Variants in LDB2 observed in about 807,000 individuals in gnomAD.
LDB2 encodes LIM domain binding 2.
LDB2 carries 12 observed loss-of-function variants against 44.3 expected under a neutral mutation model. The observed-to-expected ratio is 0.27, with a 90% CI of 0.17 to 0.44. The LOEUF is 0.44. Among genes scored for constraint, LDB2 ranks in the 20% least tolerant of loss-of-function variants. LDB2 has a pLI of 1.00. For missense variants in LDB2, 344 were observed against 473.5 expected, an observed-to-expected ratio of 0.73 and a Z score of 2.54; for synonymous variants, 164 against 174.8, an observed-to-expected ratio of 0.94 and a Z score of 0.49.
At chr4:16,692,704 A>G (rs934105265) in intron 2 of LDB2, among the ~76,000 whole-genome samples, 3 of 152,174 alleles carry the variant, frequency 2.0e-5, no homozygotes, top group East Asian at 3.9e-4. Context: ...AGAGCCAGGA[A>G]GAAAAATGCA....
intron 7 of LDB2, chr4:16,503,279 G>A (rs1718022484): frequency 6.6e-6 from 5 of 753,208 alleles, no homozygotes; most frequent in Admixed American, 5.0e-5. Context: ...TTTAGGGCCT[G>A]TGAGTGGCTT....
intron 1 of LDB2, among the ~76,000 whole-genome samples, chr4:16,809,733 C>G (rs1298633648): frequency 6.8e-6 from 1 of 147,252 alleles, no homozygotes; most frequent in Non-Finnish European, 1.5e-5. Context: ...CAAAACAAAA[C>G]AAACAAACAA....
intron 1 of LDB2, among the ~76,000 whole-genome samples, chr4:16,828,708 G>A (rs984948422): frequency 5.1e-5 from 7 of 137,546 alleles, no homozygotes; most frequent in Admixed American, 7.3e-5. Flanking sequence ...AAGACCACGT[G>A]CACTTAAAAA....
chr4:16,730,931 T>C (rs961612836), intron 2 of LDB2, among the ~76,000 whole-genome samples: 72 of 152,322 alleles, frequency 4.7e-4, no homozygotes, highest in African/African-American at 1.7e-3. Context: ...TCAAGAATAT[T>C]GCTACTTAGA....
At chr4:16,696,382 A>C (rs1752130132) in intron 2 of LDB2, among the ~76,000 whole-genome samples, 3 of 152,236 alleles carry the variant, frequency 2.0e-5, no homozygotes, top group Admixed American at 6.5e-5. Flanking sequence ...AATGACGATT[A>C]TATTAGCCAA....
chr4:16,765,132 G>A (rs1311251591), intron 1 of LDB2, among the ~76,000 whole-genome samples: 1 of 152,160 alleles, frequency 6.6e-6, no homozygotes, highest in Non-Finnish European at 1.5e-5. Flanking sequence ...AGGTGTATTG[G>A]GTGGCACGCA....
chr4:16,633,805 G>C (rs1048194940), intron 2 of LDB2, among the ~76,000 whole-genome samples: 6 of 152,160 alleles, frequency 3.9e-5, no homozygotes, highest in African/African-American at 4.8e-5. Flanking sequence ...ACATAGCCAA[G>C]ACAATCCTGG....
chr4:16,657,948 G>A (rs1051742702), intron 2 of LDB2, among the ~76,000 whole-genome samples: 1 of 152,188 alleles, frequency 6.6e-6, no homozygotes, highest in African/African-American at 2.4e-5. Flanking sequence ...GTTTCTGTGT[G>A]TGTTCTGTTC....
intron 1 of LDB2, among the ~76,000 whole-genome samples, chr4:16,805,919 C>G (rs899935396): frequency 6.6e-6 from 1 of 152,168 alleles, no homozygotes; most frequent in Non-Finnish European, 1.5e-5. Context: ...TCTTCTCTGA[C>G]TGAAAACCAT....
intron 2 of LDB2, among the ~76,000 whole-genome samples, chr4:16,622,534 T>A (rs1356675341): frequency 6.6e-6 from 1 of 152,206 alleles, no homozygotes; most frequent in Non-Finnish European, 1.5e-5. Context: ...CAACAGCTAT[T>A]GGCTGGTTTT....
intron 2 of LDB2, among the ~76,000 whole-genome samples, chr4:16,744,623 C>T (rs949575791): frequency 2.6e-5 from 4 of 152,070 alleles, no homozygotes; most frequent in Admixed American, 6.5e-5. Context: ...TACAGGTGCC[C>T]GCCACCATGC....
intron 1 of LDB2, among the ~76,000 whole-genome samples, chr4:16,776,616 T>A (rs938304198): frequency 2.3e-4 from 35 of 152,186 alleles, no homozygotes; most frequent in African/African-American, 8.4e-4. Flanking sequence ...TAGGATTTAG[T>A]GATGATGTAG....
intron 2 of LDB2, among the ~76,000 whole-genome samples, chr4:16,670,083 GAA>G (rs1228143915): frequency 6.6e-6 from 1 of 152,204 alleles, no homozygotes; most frequent in African/African-American, 2.4e-5. Context: ...GTCCTTCACA[GAA>G]AAGTTTGCCA....
intron 2 of LDB2, among the ~76,000 whole-genome samples, chr4:16,649,630 T>C (rs1415569765): frequency 6.6e-6 from 1 of 152,190 alleles, no homozygotes; most frequent in Non-Finnish European, 1.5e-5. Flanking sequence ...CACTAGCCCT[T>C]AACTTCTGTA....
At chr4:16,851,838 C>A (rs1444576264) in intron 1 of LDB2, among the ~76,000 whole-genome samples, 1 of 152,134 alleles carries the variant, frequency 6.6e-6, no homozygotes, top group African/African-American at 2.4e-5. Flanking sequence ...AGCAATGTCT[C>A]CAGTGAGAGA....
chr4:16,542,102 G>GGC (rs1553889150), intron 5 of LDB2, among the ~76,000 whole-genome samples: 3 of 4,896 alleles, frequency 6.1e-4, no homozygotes, highest in South Asian at 0.016. Flanking sequence ...ATCAGGTGGT[G>GGC]GGGGGGGGGG....
At chr4:16,524,394 A>G (rs1727439892) in intron 5 of LDB2, among the ~76,000 whole-genome samples, 1 of 152,210 alleles carries the variant, frequency 6.6e-6, no homozygotes, top group South Asian at 2.1e-4. Context: ...TGAGACATAC[A>G]AAGATGAATT....
chr4:16,737,859 A>G (rs1762221622), intron 2 of LDB2, among the ~76,000 whole-genome samples: 1 of 152,194 alleles, frequency 6.6e-6, no homozygotes, highest in Middle Eastern at 3.2e-3. Context: ...TTTAAGAATT[A>G]TCTTCAATGA....
intron 1 of LDB2, among the ~76,000 whole-genome samples, chr4:16,769,589 C>T (rs55683145): frequency 6.6e-6 from 1 of 151,800 alleles, no homozygotes; most frequent in African/African-American, 2.4e-5. Flanking sequence ...AGCCACTGTG[C>T]CCAGCCCTAT....
Sources: gnomAD v4.1 joint callset for allele counts (sites outside exome capture counted in the v4.1 genomes callset) on GRCh38, gnomAD v4.1.1 for gene constraint, MANE v1.5 for transcripts, NCBI Gene and HGNC (gene_info 2026-07-23, HGNC 2026-07-21) for gene names.